The following CX3CR1 variants were observed in gnomAD, a reference collection of about 807,000 sequenced individuals.
CX3CR1 encodes CX3C chemokine receptor 1.
For missense variants in CX3CR1, 363 were observed against 432.4 expected (o/e 0.84, Z 1.42); for synonymous variants, 168 against 178.5 (o/e 0.94, Z 0.47).
chr3:39,277,132 T>C (rs2040848998), intron 1 of CX3CR1, among the ~76,000 whole-genome samples: 1 of 152,208 alleles, frequency 6.6e-6, no homozygotes. Context: ...TCTAGGAAGA[T>C]GTTTAAAGAC....
chr3:39,283,001 C>T (rs187523030), upstream of CX3CR1, among the ~76,000 whole-genome samples: 63 of 152,292 alleles, frequency 4.1e-4, no homozygotes, highest in Non-Finnish European at 7.3e-4. Flanking sequence ...GAACGATCCT[C>T]TCACCTCAGC....
chr3:39,266,627 G>A (rs2040704730), intron 1 of CX3CR1, 109 bp from the exon 2 acceptor site: 1 of 1,069,080 alleles, frequency 9.4e-7, no homozygotes, highest in Non-Finnish European at 1.5e-6. Context: ...TATTGGTTGG[G>A]TGCACACTAC....
chr3:39,265,891 T>C lies in CX3CR1; in HGVS notation c.619A>G (p.Met207Val), dbSNP rs1243086133. ...FLGFLLPLLI[M>V]SYCYFRIIQT... ...ATGATTCTGAAGTAGCAATAACTCA[T>C]AATGAGCAGGGGGAGTAGGAAGCCA... The change falls in exon 2 of 2, where the codon ATG (methionine) becomes GTG (valine). Residue 207 changes from methionine (M) to valine (V), a missense_variant. By Grantham distance (21) the Met-to-Val change is conservative (BLOSUM62 1). Coordinates refer to ENST00000399220, the MANE Select transcript of CX3CR1 (RefSeq NM_001337.4). The C allele has an allele frequency of 5.0e-6, 8 of 1,614,052 alleles. No individual in the cohort carries two copies. Among genetic ancestry groups the C allele is most frequent in the Non-Finnish European group, 5.9e-6 (7 of 1,180,036 alleles).
rs1250051116 is a variant in CX3CR1 at position 39,264,925 on chromosome 3, A to G, written c.*517T>C. On this transcript the variant is annotated 3_prime_UTR_variant, in exon 2 of 2. Coordinates refer to ENST00000399220, the MANE Select transcript of CX3CR1 (RefSeq NM_001337.4). ...TGGGCACCTGATACAAACTTGGCCTATCAGAGCACTTCCCTGGGAATTTTG... is the reference window on the plus strand; with the variant it reads ...TGGGCACCTGATACAAACTTGGCCTGTCAGAGCACTTCCCTGGGAATTTTG... 1.3e-5 allele frequency: 2 copies of G among 153,118 alleles called. No homozygotes were observed. The highest frequency in any genetic ancestry group is 4.8e-5 in the African/African-American group (2 of 41,480). 9.5% of individuals were successfully genotyped at this position (153,118 alleles called of 1,614,324 possible).
intron 1 of CX3CR1, among the ~76,000 whole-genome samples, chr3:39,277,733 G>A (rs2040856072): frequency 6.6e-6 from 1 of 152,178 alleles, no homozygotes; most frequent in African/African-American, 2.4e-5. Flanking sequence ...GGTGGGGTGA[G>A]GAAGGGGATA....
chr3:39,279,197 C>CA (rs905251823), intron 1 of CX3CR1, among the ~76,000 whole-genome samples: 1 of 150,522 alleles, frequency 6.6e-6, no homozygotes, highest in Non-Finnish European at 1.5e-5. Flanking sequence ...ACCCAAAAAA[C>CA]AAAAAACAAA....
chr3:39,292,859 A>G, the CX3CR1 span, among the ~76,000 whole-genome samples: 168 of 152,360 alleles, frequency 1.1e-3, no homozygotes, highest in Non-Finnish European at 1.8e-3. Flanking sequence ...ACAAACTGGC[A>G]TCTGTCTGCT....
intron 1 of CX3CR1, among the ~76,000 whole-genome samples, chr3:39,269,016 T>C (rs1420206731): frequency 6.6e-6 from 1 of 152,162 alleles, no homozygotes; most frequent in African/African-American, 2.4e-5. Context: ...CTTTATTTTT[T>C]TTTCCCCCTG....
rs1448905841 is a variant in CX3CR1 at position 39,264,137 on chromosome 3, T to C, written c.*1305A>G. Reference sequence around the variant, plus strand: ...ACGGAAGGCTATCACTCTGTAGACTTGGGAGTGCTCACTGGGTGCCATCGT... The same window carrying C: ...ACGGAAGGCTATCACTCTGTAGACTCGGGAGTGCTCACTGGGTGCCATCGT... On this transcript the variant is annotated 3_prime_UTR_variant, in exon 2 of 2. Coordinates refer to ENST00000399220, the MANE Select transcript of CX3CR1 (RefSeq NM_001337.4). 1.3e-5 allele frequency: 2 copies of C among 152,206 alleles called. No individual in the cohort carries two copies. The highest frequency in any genetic ancestry group is 2.9e-5 in the Non-Finnish European group (2 of 68,072). The allele number at this position is 152,206 out of a possible 1,614,324, so 9.4% of individuals were successfully genotyped here. A position where few individuals can be genotyped will look rare whatever the true frequency, so the allele number is the denominator to read the frequency against.
intron 1 of CX3CR1, among the ~76,000 whole-genome samples, chr3:39,268,637 C>G (rs1028315430): frequency 6.6e-6 from 1 of 152,164 alleles, no homozygotes; most frequent in East Asian, 1.9e-4. Context: ...AAAATTGTCT[C>G]GCATCTCTTT....
chr3:39,278,224 T>A (rs1444081970), intron 1 of CX3CR1, among the ~76,000 whole-genome samples: 2 of 152,162 alleles, frequency 1.3e-5, no homozygotes, highest in African/African-American at 2.4e-5. Flanking sequence ...GGTGCTCCCA[T>A]CCCAGAGGTG....
chr3:39,290,612 A>G, the CX3CR1 span, among the ~76,000 whole-genome samples: 1 of 152,196 alleles, frequency 6.6e-6, no homozygotes, highest in African/African-American at 2.4e-5. Context: ...GTTCCTAAGA[A>G]TATAGCTACA....
rs532696294 is a variant in CX3CR1 at position 39,263,768 on chromosome 3, C to T, written c.*1674G>A. On this transcript the variant is annotated 3_prime_UTR_variant, in exon 2 of 2. Transcript: ENST00000399220. ...AAAGCGAGCACTATTTGTGGTCTAA[C>T]GTTAAGAGGAAAACAAATCAGATTA... 1.3e-5 allele frequency: 2 copies of T among 152,236 alleles called. No individual in the cohort carries two copies. The highest frequency in any genetic ancestry group is 2.1e-4 in the South Asian group (1 of 4,826). 9.4% of individuals were successfully genotyped at this position (152,236 alleles called of 1,614,324 possible).
upstream of CX3CR1, among the ~76,000 whole-genome samples, chr3:39,284,548 T>C (rs1469107995): frequency 6.6e-6 from 1 of 152,072 alleles, no homozygotes; most frequent in Non-Finnish European, 1.5e-5. Flanking sequence ...ATGACAAAAG[T>C]AGTCTCTTCA....
the CX3CR1 span, among the ~76,000 whole-genome samples, chr3:39,289,077 C>T: frequency 6.6e-6 from 1 of 151,982 alleles, no homozygotes; most frequent in Admixed American, 6.6e-5. Context: ...TCACTTGAAC[C>T]CGGGAGGTGG....
chr3:39,265,765 C>T lies in CX3CR1; in HGVS notation c.745G>A (p.Val249Ile), dbSNP rs3732379. Residue 249 changes from valine (V) to isoleucine (I), a missense_variant, in exon 2 of 2, where the codon GTT (valine) becomes ATT (isoleucine). Coordinates refer to ENST00000399220, the MANE Select transcript of CX3CR1 (RefSeq NM_001337.4). ...VFFLFWTPYN[V>I]MIFLETLKLY... The stretch of plus-strand genomic sequence containing the variant: ...TTAAGCGTCTCCAGGAAAATCATAA[C>T]GTTGTAGGGTGTCCAGAAGAGGAAA... 411,519 of 1,613,566 alleles carry T rather than the reference C, an allele frequency of 0.26. 55,397 individuals carry two copies. The highest frequency in any genetic ancestry group is 0.28 in the Non-Finnish European group (331,985 of 1,179,646).
the CX3CR1 span, among the ~76,000 whole-genome samples, chr3:39,292,480 A>G: frequency 1.3e-5 from 2 of 152,222 alleles, no homozygotes; most frequent in Non-Finnish European, 2.9e-5. Flanking sequence ...TAAGCCACAC[A>G]GAATCCTGCA....
chr3:39,278,144 G>A (rs1447114046), intron 1 of CX3CR1, among the ~76,000 whole-genome samples: 3 of 152,324 alleles, frequency 2.0e-5, no homozygotes, highest in Admixed American at 2.0e-4. Context: ...CATCTGTGAA[G>A]TGGGGCCAGC....
At position 39,268,900 on chromosome 3, in the gene CX3CR1, G is replaced by A. The variant is rs75881656; in HGVS notation, c.-9-2382C>T. The stretch of plus-strand genomic sequence containing the variant: ...GTTCAATTTGTTTCCTGCATTATGT[G>A]AGGAAGCAAAAGCCCTTTGGATCTT... On this transcript the variant is annotated intron_variant, in intron 1 of 1. Transcript: ENST00000399220. 9.0e-3 allele frequency among the ~76,000 whole-genome samples: 1,368 copies of A among 152,316 alleles called. 17 individuals carry two copies. Among genetic ancestry groups the A allele is most frequent in the African/African-American group, 0.031 (1,301 of 41,562 alleles).
Sources: gnomAD v4.1 joint callset for allele counts (sites outside exome capture counted in the v4.1 genomes callset) on GRCh38, gnomAD v4.1.1 for gene constraint, MANE v1.5 for transcripts, NCBI Gene and HGNC (gene_info 2026-07-23, HGNC 2026-07-21) for gene names.